Variants in SLC35F4 observed in about 807,000 individuals in gnomAD.
The protein encoded by SLC35F4 is solute carrier family 35 member F4.
Under a neutral mutation model 44.2 loss-of-function variants are expected in SLC35F4, and 24 were observed. The observed-to-expected ratio is 0.54, with a 90% CI of 0.39 to 0.76. The LOEUF (loss-of-function observed/expected upper bound fraction) is 0.76, where lower values mean the gene tolerates loss of function less well. SLC35F4 is among the 30% of genes least tolerant of loss of function. The probability of loss-of-function intolerance (pLI) is 0.00; values close to 1 mark genes in which losing one functional copy is unlikely to be tolerated. For synonymous variants in SLC35F4, 238 were observed against 223.6 expected (o/e 1.06, Z -0.57); for missense variants, 562 against 586.1 (o/e 0.96, Z 0.42).
chr14:57,639,072 T>C (rs1029166366), intron 1 of SLC35F4, among the ~76,000 whole-genome samples: 4 of 152,122 alleles, frequency 2.6e-5, no homozygotes, highest in African/African-American at 4.8e-5. Flanking sequence ...AGTGAAGGCA[T>C]TGGGTCCATT....
At chr14:57,607,790 G>T (rs1039897863) in intron 1 of SLC35F4, among the ~76,000 whole-genome samples, 2 of 152,218 alleles carry the variant, frequency 1.3e-5, no homozygotes, top group African/African-American at 2.4e-5. Context: ...CTAGGGGACA[G>T]ATTAAAGTGG....
chr14:57,760,179 C>T (rs2077091039), intron 1 of SLC35F4, among the ~76,000 whole-genome samples: 1 of 151,844 alleles, frequency 6.6e-6, no homozygotes, highest in Non-Finnish European at 1.5e-5. Context: ...GCATTTAGGT[C>T]TTTTTTTCGC....
intron 1 of SLC35F4, among the ~76,000 whole-genome samples, chr14:57,925,541 G>A (rs1244187950): frequency 9.0e-6 from 1 of 111,334 alleles, no homozygotes; most frequent in Admixed American, 8.4e-5. Flanking sequence ...GAGGGAGGGA[G>A]GGAGGAAGGA....
At chr14:57,939,170 G>C (rs888514628) in intron 1 of SLC35F4, among the ~76,000 whole-genome samples, 6 of 152,102 alleles carry the variant, frequency 3.9e-5, no homozygotes, top group South Asian at 2.1e-4. Context: ...GCTGCCCTGG[G>C]TTTCTGTGTT....
At chr14:57,912,637 G>A (rs1889237841) in intron 1 of SLC35F4, among the ~76,000 whole-genome samples, 1 of 151,922 alleles carries the variant, frequency 6.6e-6, no homozygotes. Flanking sequence ...AATAGACATT[G>A]CATGATTTCT....
At position 57,804,460 on chromosome 14, in the gene SLC35F4, A is replaced by G. The variant is rs191355579; in HGVS notation, c.103+61263T>C. 1.2e-4 allele frequency among the ~76,000 whole-genome samples: 19 copies of G among 152,282 alleles called. No homozygotes were observed. In the East Asian group the frequency reaches 1.7e-3, roughly 14 times the overall value. On this transcript the variant is annotated intron_variant, in intron 1 of 7. Transcript: ENST00000556826. ...GGAACAGAATAGAGAACTCAGAAAT[A>G]AGACCGCACACCTACAACCATCTGA... is the stretch of plus-strand genomic sequence containing the variant.
chr14:57,713,233 G>C (rs183746516), intron 1 of SLC35F4, among the ~76,000 whole-genome samples: 1 of 152,206 alleles, frequency 6.6e-6, no homozygotes, highest in Admixed American at 6.5e-5. Flanking sequence ...AGTTATTTTT[G>C]CAGTTCAAGC....
intron 1 of SLC35F4, among the ~76,000 whole-genome samples, chr14:57,964,999 T>TAC (rs1254377505): frequency 1.2e-3 from 180 of 144,034 alleles, no homozygotes; most frequent in African/African-American, 4.5e-3. Flanking sequence ...AAAATATATA[T>TAC]ATATATATAT....
intron 1 of SLC35F4, among the ~76,000 whole-genome samples, chr14:57,745,291 C>T (rs184929189): frequency 6.6e-6 from 1 of 152,168 alleles, no homozygotes; most frequent in East Asian, 1.9e-4. Context: ...TCAGAGTGAA[C>T]AGGCAACCTA....
intron 1 of SLC35F4, among the ~76,000 whole-genome samples, chr14:57,621,914 C>G (rs1566695416): frequency 6.6e-6 from 1 of 150,772 alleles, no homozygotes; most frequent in Admixed American, 6.7e-5. Context: ...TTGCAACCTA[C>G]TCATCTGACA....
chr14:57,931,587 G>T (rs187545300), intron 1 of SLC35F4, among the ~76,000 whole-genome samples: 79 of 151,830 alleles, frequency 5.2e-4, no homozygotes, highest in Admixed American at 1.2e-3. Context: ...TTTCCACATA[G>T]CTGGGAGAAA....
chr14:57,892,678 A>G (rs1305650071), intron 1 of SLC35F4, among the ~76,000 whole-genome samples: 5 of 152,322 alleles, frequency 3.3e-5, no homozygotes, highest in African/African-American at 1.2e-4. Context: ...TGTATCTCAA[A>G]GACAAAATGA....
At chr14:57,930,308 A>T (rs936325278) in intron 1 of SLC35F4, among the ~76,000 whole-genome samples, 2 of 152,164 alleles carry the variant, frequency 1.3e-5, no homozygotes, top group African/African-American at 4.8e-5. Context: ...GTGAGGCAGA[A>T]TTTATTCTTG....
intron 1 of SLC35F4, among the ~76,000 whole-genome samples, chr14:57,745,686 A>G (rs1415016503): frequency 3.9e-5 from 6 of 152,196 alleles, no homozygotes; most frequent in African/African-American, 7.2e-5. Flanking sequence ...CGATTCCTCA[A>G]GGATCTAGAA....
intron 1 of SLC35F4, among the ~76,000 whole-genome samples, chr14:57,690,064 T>C (rs1198866929): frequency 6.6e-6 from 1 of 152,174 alleles, no homozygotes. Context: ...CATACTTTCA[T>C]CTCTACTTCT....
intron 1 of SLC35F4, among the ~76,000 whole-genome samples, chr14:57,615,803 GA>G (rs10714993): frequency 0.68 from 102,732 of 151,862 alleles, 35,519 homozygotes; most frequent in Non-Finnish European, 0.75. Context: ...ACAATATTAT[GA>G]GGCTTTTAGA....
intron 1 of SLC35F4, among the ~76,000 whole-genome samples, chr14:57,601,194 CTTA>C (rs985240017): frequency 2.6e-5 from 4 of 151,626 alleles, no homozygotes; most frequent in African/African-American, 9.7e-5. Flanking sequence ...TCAAGACTTG[CTTA>C]TTATCTTATT....
At chr14:57,886,436 T>C (rs1448364132) in intron 1 of SLC35F4, among the ~76,000 whole-genome samples, 1 of 152,210 alleles carries the variant, frequency 6.6e-6, no homozygotes, top group Non-Finnish European at 1.5e-5. Context: ...CTAAAAAAGA[T>C]CTGTCTCTCT....
At chr14:57,960,863 G>C (rs997961231) in intron 1 of SLC35F4, among the ~76,000 whole-genome samples, 2 of 152,154 alleles carry the variant, frequency 1.3e-5, no homozygotes, top group African/African-American at 2.4e-5. Context: ...GGTGTGTGCT[G>C]TTTCCCCTCA....
Sources: gnomAD v4.1 joint callset for allele counts (sites outside exome capture counted in the v4.1 genomes callset) on GRCh38, gnomAD v4.1.1 for gene constraint, MANE v1.5 for transcripts, NCBI Gene and HGNC (gene_info 2026-07-23, HGNC 2026-07-21) for gene names.